Variants in SFMBT1 observed in about 807,000 individuals in gnomAD.
The protein encoded by SFMBT1 is scm-like with four MBT domains protein 1.
In SFMBT1, 32 loss-of-function variants were observed where a neutral mutation model predicts 108.7. The ratio of observed to expected loss-of-function variants is 0.29; its 90% CI spans 0.22 to 0.40. The LOEUF (loss-of-function observed/expected upper bound fraction) is 0.40, where lower values mean the gene tolerates loss of function less well. SFMBT1 is among the 10% of genes least tolerant of loss of function. SFMBT1 has a pLI of 1.00. For missense variants in SFMBT1, 816 were observed against 1,059.6 expected, an observed-to-expected ratio of 0.77 and a Z score of 3.19; for synonymous variants, 348 against 369.5, an observed-to-expected ratio of 0.94 and a Z score of 0.67.
chr3:52,928,367 T>C lies in SFMBT1; in HGVS notation c.898-26A>G, dbSNP rs199937197. 164 of 1,608,636 alleles carry C rather than the reference T, an allele frequency of 1.0e-4. 2 individuals are homozygous for C. In the East Asian group the frequency reaches 3.6e-3, roughly 35 times the overall value. ...CTATACATGCAATTAATAGATGAAA[T>C]AGACAAATGCACACATATATATGTG... On this transcript the variant is annotated intron_variant, in intron 8 of 20. Coordinates refer to ENST00000394752, the MANE Select transcript of SFMBT1 (RefSeq NM_016329.4).
chr3:53,010,331 CTA>C (rs776299805), intron 1 of SFMBT1, among the ~76,000 whole-genome samples: 22 of 152,298 alleles, frequency 1.4e-4, no homozygotes, highest in Admixed American at 4.6e-4. Context: ...CCTGAGCTAC[CTA>C]TCCCAGGGGA....
chr3:53,026,986 T>C (rs539311968), intron 1 of SFMBT1, among the ~76,000 whole-genome samples: 1 of 152,256 alleles, frequency 6.6e-6, no homozygotes, highest in South Asian at 2.1e-4. Context: ...TCTCGCTAGG[T>C]TGCCCAGGCT....
At chr3:52,930,469 T>C (rs894479149) in intron 7 of SFMBT1, 39 bp from the exon 8 acceptor site, 6 of 1,103,772 alleles carry the variant, frequency 5.4e-6, no homozygotes, top group African/African-American at 1.5e-5. Context: ...AAACATAGTA[T>C]CTGTATCAAT....
In SFMBT1 at chr3:52,917,673, A is replaced by G. The variant is rs988522554; in HGVS notation, c.1415+811T>C. On this transcript the variant is annotated intron_variant, in intron 13 of 20. Coordinates refer to ENST00000394752, the MANE Select transcript of SFMBT1 (RefSeq NM_016329.4). ...CGGCCTGAGCTCGGCCTCCTGTCAC[A>G]TCAGCAGCAGCATTAGATTCTCACA... 1.3e-4 allele frequency among the ~76,000 whole-genome samples: 20 copies of G among 152,318 alleles called. No individual in the cohort carries two copies. The East Asian group carries it at 2.5e-3, about 19-fold the overall frequency.
chr3:52,991,031 A>T (rs1445462014), intron 1 of SFMBT1, among the ~76,000 whole-genome samples: 1 of 152,070 alleles, frequency 6.6e-6, no homozygotes, highest in African/African-American at 2.4e-5. Context: ...ACGTCTGCAT[A>T]GTATCTTCAG....
intron 3 of SFMBT1, among the ~76,000 whole-genome samples, chr3:52,944,362 A>G (rs1703287655): frequency 6.6e-6 from 1 of 152,224 alleles, no homozygotes; most frequent in African/African-American, 2.4e-5. Flanking sequence ...AGACAGGCAG[A>G]TAGATGGATG....
chr3:53,016,298 T>C (rs1283829404), intron 1 of SFMBT1, among the ~76,000 whole-genome samples: 5 of 152,222 alleles, frequency 3.3e-5, no homozygotes, highest in African/African-American at 4.8e-5. Flanking sequence ...GTCTTGATCA[T>C]GGATTGCGGT....
chr3:52,930,836 G>T, intron 7 of SFMBT1, 105 bp downstream of exon 7: 1 of 815,642 alleles, frequency 1.2e-6, no homozygotes, highest in Non-Finnish European at 2.1e-6. Flanking sequence ...CAGAGACCAT[G>T]GCATTCTTAC....
chr3:52,998,664 G>T (rs1255955173), intron 1 of SFMBT1, among the ~76,000 whole-genome samples: 1 of 150,514 alleles, frequency 6.6e-6, no homozygotes, highest in Non-Finnish European at 1.5e-5. Flanking sequence ...GGTTCTGCTC[G>T]TGCCACGCTG....
chr3:53,028,547 C>T (rs931439015), intron 1 of SFMBT1, among the ~76,000 whole-genome samples: 1 of 152,128 alleles, frequency 6.6e-6, no homozygotes. Flanking sequence ...CATGCTTGTA[C>T]CACTAGTCCC....
chr3:52,910,778 C>T (rs1702195576), intron 17 of SFMBT1, among the ~76,000 whole-genome samples: 1 of 152,192 alleles, frequency 6.6e-6, no homozygotes, highest in Non-Finnish European at 1.5e-5. Context: ...CATGAGCCAC[C>T]ACACCCGGCC....
chr3:53,042,139 T>G (rs1246522313), intron 1 of SFMBT1, among the ~76,000 whole-genome samples: 3 of 152,238 alleles, frequency 2.0e-5, no homozygotes, highest in Non-Finnish European at 2.9e-5. Context: ...GGACTGTATC[T>G]ATTTACTTAA....
intron 8 of SFMBT1, 48 bp downstream of exon 8, chr3:52,930,281 C>T (rs1166332489): frequency 2.6e-6 from 3 of 1,174,600 alleles, no homozygotes; most frequent in South Asian, 1.2e-5. Flanking sequence ...TTTCCTAAAC[C>T]AGTCACCTTG....
chr3:53,031,369 T>C (rs1699680919), intron 1 of SFMBT1, among the ~76,000 whole-genome samples: 1 of 152,190 alleles, frequency 6.6e-6, no homozygotes, highest in African/African-American at 2.4e-5. Flanking sequence ...GCAAATGCCC[T>C]GCAATTGGAT....
chr3:53,002,190 G>A (rs2581794), intron 1 of SFMBT1, among the ~76,000 whole-genome samples: 44,589 of 148,840 alleles, frequency 0.3, 9,350 homozygotes, highest in East Asian at 0.51. Flanking sequence ...CACGGGGTTA[G>A]GAGATCGAGA....
intron 1 of SFMBT1, among the ~76,000 whole-genome samples, chr3:53,039,168 G>C (rs925620428): frequency 1.3e-5 from 2 of 152,150 alleles, no homozygotes; most frequent in Non-Finnish European, 2.9e-5. Context: ...GGTTCTCTAG[G>C]CTCTGCTGGG....
In SFMBT1 at chr3:52,934,759, C is replaced by A. The variant is rs182451035; in HGVS notation, c.453+54G>T. 4.7e-4 allele frequency: 676 copies of A among 1,445,376 alleles called. 4 individuals are homozygous for A. The highest frequency in any genetic ancestry group is 4.2e-3 in the South Asian group (337 of 81,094). The allele number at this position is 1,445,376 out of a possible 1,614,324, so 89.5% of individuals were successfully genotyped here. On this transcript the variant is annotated intron_variant, in intron 5 of 20. Transcript: ENST00000394752. ...TAAATAAGCAACCGATTTTAAGATTCTTTGAAAGATCAGATGGGTTTTCCA... is the reference window on the plus strand; with the variant it reads ...TAAATAAGCAACCGATTTTAAGATTATTTGAAAGATCAGATGGGTTTTCCA...
At chr3:53,025,512 G>C (rs976116516) in intron 1 of SFMBT1, among the ~76,000 whole-genome samples, 1 of 152,076 alleles carries the variant, frequency 6.6e-6, no homozygotes, top group African/African-American at 2.4e-5. Flanking sequence ...AGCTACTTGG[G>C]AAGCTGAGGT....
At chr3:52,991,607 G>A (rs751178997) in intron 1 of SFMBT1, among the ~76,000 whole-genome samples, 2 of 152,128 alleles carry the variant, frequency 1.3e-5, no homozygotes, top group Non-Finnish European at 2.9e-5. Context: ...GCCTCCCAAA[G>A]TGCTGTGATT....
Sources: gnomAD v4.1 joint callset for allele counts (sites outside exome capture counted in the v4.1 genomes callset) on GRCh38, gnomAD v4.1.1 for gene constraint, MANE v1.5 for transcripts, NCBI Gene and HGNC (gene_info 2026-07-23, HGNC 2026-07-21) for gene names.